The following SMC2 variants were observed in gnomAD, a reference collection of about 807,000 sequenced individuals.
SMC2 encodes the protein structural maintenance of chromosomes protein 2.
A neutral mutation model predicts 142.6 loss-of-function variants in SMC2; 41 were observed. The ratio of observed to expected loss-of-function variants is 0.29; its 90% confidence interval spans 0.22 to 0.37. SMC2 has a LOEUF of 0.37. Among genes scored for constraint, SMC2 ranks in the 10% least tolerant of loss-of-function variants. SMC2 has a pLI of 1.00. For missense variants in SMC2, 1,265 were observed against 1,373.7 expected (o/e 0.92, Z 1.25); for synonymous variants, 463 against 457.5 (o/e 1.01, Z -0.15).
At chr9:104,135,406 A>C (rs1209006558) in intron 23 of SMC2, among the ~76,000 whole-genome samples, 3 of 152,214 alleles carry the variant, frequency 2.0e-5, no homozygotes, top group South Asian at 2.1e-4. Flanking sequence ...AATCTGTTCA[A>C]GCTACATTGA....
Position 104,116,057 on chromosome 9 carries a change from T to C in SMC2, c.1672-143T>C, listed in dbSNP as rs1485471370. 4.9e-6 allele frequency: 3 copies of C among 616,478 alleles called. No individual in the cohort carries two copies. The African/African-American group carries it at 5.8e-5, about 12-fold the overall frequency. The allele number at this position is 616,478 out of a possible 1,614,324, so 38.2% of individuals were successfully genotyped here. ...CAGCATCTCCTTTTTCAAGTTCAAA[T>C]GATGTTCCATTGCATATGTAATTAT... On this transcript the variant is annotated intron_variant, in intron 13 of 24. Coordinates refer to ENST00000374793, the MANE Select transcript of SMC2 (RefSeq NM_006444.3).
At chr9:104,126,122 C>T (rs1214623204) in intron 18 of SMC2, among the ~76,000 whole-genome samples, 5 of 152,052 alleles carry the variant, frequency 3.3e-5, no homozygotes, top group Admixed American at 2.6e-4. Flanking sequence ...TTATGAGAAT[C>T]TAATGCGTGA....
At chr9:104,134,791 AATCT>A (rs1260272959) in intron 23 of SMC2, among the ~76,000 whole-genome samples, 1 of 152,150 alleles carries the variant, frequency 6.6e-6, no homozygotes, top group Non-Finnish European at 1.5e-5. Context: ...GTTTTTAAAA[AATCT>A]ATTTTCAAAT....
At chr9:104,135,964 G>T in intron 23 of SMC2, 1 of 516,894 alleles carries the variant, frequency 1.9e-6, no homozygotes, top group Non-Finnish European at 3.9e-6. Flanking sequence ...AAGGAAAGAA[G>T]AGTGTTGGAA....
chr9:104,120,175 T>C lies in SMC2; in HGVS notation c.2132+13T>C. The C allele has an allele frequency of 6.4e-7, 1 of 1,567,410 alleles. No individual in the cohort carries two copies. The highest frequency in any genetic ancestry group is 8.6e-7 in the Non-Finnish European group (1 of 1,163,228). On this transcript the variant is annotated intron_variant, in intron 16 of 24. Transcript: ENST00000374793. ...ACACTGCTGAAAAGTAAGAACTGCA[T>C]ATACTTTTTTTAATTAAAGATTTGC...
At chr9:104,137,221 AATAAGT>A (rs1326973360) in intron 23 of SMC2, among the ~76,000 whole-genome samples, 2 of 152,192 alleles carry the variant, frequency 1.3e-5, no homozygotes, top group African/African-American at 4.8e-5. Flanking sequence ...GAAGTTACAG[AATAAGT>A]ATATTACAAA....
At position 104,125,439 on chromosome 9, in the gene SMC2, C is replaced by G. The variant is rs1342483514; in HGVS notation, c.2451+334C>G. On this transcript the variant is annotated intron_variant, in intron 18 of 24. Coordinates refer to ENST00000374793, the MANE Select transcript of SMC2 (RefSeq NM_006444.3). ...AAAAAATCTGAAGTCTGGAAGACTT[C>G]TGGTCCTACACACTTTGGATAAGGG... Among the ~76,000 whole-genome samples, 8 of 152,134 alleles carry G rather than the reference C, an allele frequency of 5.3e-5. No homozygotes were observed. In the East Asian group the frequency reaches 1.5e-3, roughly 29 times the overall value.
Position 104,096,236 on chromosome 9 carries a change from C to G in SMC2, c.257C>G (p.Ser86Cys). The part of the protein sequence containing the change: ...KASVSITFDN[S>C]DKKQSPLGFE... ...TCTGTGTCAATCACTTTTGATAATT[C>G]TGACAAAAAGCAAAGTCCTTTAGGA... The change falls in exon 3 of 25, where the codon TCT becomes TGT. Residue 86 changes from serine to cysteine, a missense_variant. Around this residue, in one of 4 missense-constraint regions of SMC2, gnomAD observed 168 missense variants for 184.8 expected, o/e 0.91. Transcript: ENST00000374793. 1.2e-6 allele frequency: 2 copies of G among 1,614,042 alleles called. No individual in the cohort carries two copies. Among genetic ancestry groups the G allele is most frequent in the Non-Finnish European group, 1.7e-6 (2 of 1,179,908 alleles).
chr9:104,095,326 C>A lies in SMC2; in HGVS notation c.-59C>A. Reference sequence around the variant, plus strand: ...GGTGGTATTTCTGTTTCGTACAGAACTGGTTTGTGGCCTGTTTGATTCCTG... The same window carrying A: ...GGTGGTATTTCTGTTTCGTACAGAAATGGTTTGTGGCCTGTTTGATTCCTG... On this transcript the variant is annotated splice_region_variant and 5_prime_UTR_variant, in exon 2 of 25. The change creates a new upstream start codon in the 5' untranslated region. Transcript: ENST00000374793. 1.4e-6 allele frequency: 2 copies of A among 1,408,552 alleles called. No homozygotes were observed. Among genetic ancestry groups the A allele is most frequent in the South Asian group, 1.2e-5 (1 of 81,284 alleles). 87.3% of individuals were successfully genotyped at this position (1,408,552 alleles called of 1,614,324 possible). A position where few individuals can be genotyped will look rare whatever the true frequency, so the allele number is the denominator to read the frequency against.
the SMC2 span, among the ~76,000 whole-genome samples, chr9:104,088,360 C>A: frequency 1.4e-4 from 21 of 151,970 alleles, no homozygotes; most frequent in African/African-American, 5.1e-4. Flanking sequence ...TAAATATCTA[C>A]TATGTGACAA....
At chr9:104,111,043 A>G (rs1254926857) in intron 9 of SMC2, among the ~76,000 whole-genome samples, 1 of 152,196 alleles carries the variant, frequency 6.6e-6, no homozygotes, top group East Asian at 1.9e-4. Context: ...CTTTAATTGT[A>G]AGTAAGATTG....
intron 9 of SMC2, among the ~76,000 whole-genome samples, chr9:104,111,213 C>T (rs1043807840): frequency 3.3e-5 from 5 of 152,106 alleles, no homozygotes; most frequent in Admixed American, 1.3e-4. Flanking sequence ...TATACATGCT[C>T]TTAATTCTAA....
chr9:104,135,219 C>T (rs74954222), intron 23 of SMC2, among the ~76,000 whole-genome samples: 4 of 138,568 alleles, frequency 2.9e-5, no homozygotes, highest in African/African-American at 1.3e-4. Flanking sequence ...ACAGATGATG[C>T]AAGTAGGAGA....
chr9:104,090,298 A>T (rs1018662754), upstream of SMC2, among the ~76,000 whole-genome samples: 9 of 152,336 alleles, frequency 5.9e-5, no homozygotes, highest in Admixed American at 4.6e-4. Flanking sequence ...TAGCCCTCCA[A>T]AATTTTATAC....
At chr9:104,132,375 A>G (rs980206713) in intron 22 of SMC2, among the ~76,000 whole-genome samples, 1 of 152,174 alleles carries the variant, frequency 6.6e-6, no homozygotes, top group African/African-American at 2.4e-5. Context: ...TCTCTTTTAC[A>G]GGATGCTTAT....
At chr9:104,095,646 T>C in intron 2 of SMC2, 94 bp downstream of exon 2, 1 of 948,896 alleles carries the variant, frequency 1.1e-6, no homozygotes, top group South Asian at 1.6e-5. Context: ...TTCATTTGTG[T>C]TTTTATACTT....
In SMC2 at chr9:104,132,056, CA is replaced by C; in HGVS notation, c.3043del (p.Ile1015PhefsTer5). On this transcript the variant is annotated frameshift_variant, in exon 22 of 25. Transcript: ENST00000374793. LOFTEE classifies it high-confidence loss of function. ...KKRIVENDKS[K>X]ILTTIEDLDQ... Reference sequence around the variant, plus strand: ...AGAGAATTGTAGAAAATGACAAATCCAAAATTCTTACAACTATAGAAGACCT... The same window carrying C: ...AGAGAATTGTAGAAAATGACAAATCCAAATTCTTACAACTATAGAAGACCT... The C allele has an allele frequency of 6.2e-7, 1 of 1,600,830 alleles. No individual in the cohort carries two copies.
At chr9:104,128,700 A>C (rs1305728425) in intron 20 of SMC2, among the ~76,000 whole-genome samples, 1 of 152,246 alleles carries the variant, frequency 6.6e-6, no homozygotes, top group African/African-American at 2.4e-5. Flanking sequence ...GCCAGTGAGA[A>C]TGAATCATAA....
rs1409291224 is a variant in SMC2, at chr9:104,129,781, A to G, written c.2927A>G (p.Lys976Arg). 6.8e-6 allele frequency: 11 copies of G among 1,613,868 alleles called. No individual in the cohort carries two copies. Among genetic ancestry groups the G allele is most frequent in the Admixed American group, 3.3e-5 (2 of 60,000 alleles). ...AGACTTCAGAAGTTGCAAGAAATGA[A>G]GGAGAAACTAGGAAGAAATGTCAAT... ...GQRLQKLQEM[K>R]EKLGRNVNMR... Residue 976 changes from lysine to arginine, a missense_variant, in exon 21 of 25, where the codon AAG becomes AGG. This residue lies in a region of SMC2 where 192 missense variants were observed against 261.9 expected (regional missense o/e 0.73). Coordinates refer to ENST00000374793, the MANE Select transcript of SMC2 (RefSeq NM_006444.3).
Sources: gnomAD v4.1 joint callset for allele counts (sites outside exome capture counted in the v4.1 genomes callset) on GRCh38, gnomAD v4.1.1 for gene constraint, gnomAD v4.1.1 regional missense constraint, MANE v1.5 for transcripts, NCBI Gene and HGNC (gene_info 2026-07-23, HGNC 2026-07-21) for gene names.